Variants in CADPS observed in about 807,000 individuals in gnomAD.
CADPS encodes the protein calcium dependent secretion activator, also known as calcium-dependent secretion activator 1.
Under a neutral mutation model 167.3 loss-of-function variants are expected in CADPS, and 57 were observed. The ratio of observed to expected loss-of-function variants is 0.34; its 90% CI spans 0.28 to 0.42. The LOEUF is 0.42. CADPS is among the 20% of genes least tolerant of loss of function. The probability of loss-of-function intolerance (pLI) is 1.00; values close to 1 mark genes in which losing one functional copy is unlikely to be tolerated. For missense variants in CADPS, 1,414 were observed against 1,738.1 expected, an observed-to-expected ratio of 0.81 and a Z score of 3.32; for synonymous variants, 676 against 635.3, an observed-to-expected ratio of 1.06 and a Z score of -0.96.
chr3:62,578,398 C>T (rs2082716579), intron 8 of CADPS, among the ~76,000 whole-genome samples: 1 of 151,776 alleles, frequency 6.6e-6, no homozygotes. Flanking sequence ...ATCATGAGGT[C>T]AGGAGATCGA....
chr3:62,498,361 A>C (rs956271008), intron 18 of CADPS, among the ~76,000 whole-genome samples: 9 of 152,188 alleles, frequency 5.9e-5, no homozygotes, highest in African/African-American at 1.9e-4. Flanking sequence ...CCTTTGCTGT[A>C]AATCTGAATG....
rs958397013 is a variant in CADPS at position 62,438,624 on chromosome 3, T to C, written c.3670-413A>G. 2 of 163,306 alleles carry C rather than the reference T, an allele frequency of 1.2e-5. No homozygotes were observed. The highest frequency in any genetic ancestry group is 4.8e-5 in the African/African-American group (2 of 41,516). The allele number at this position is 163,306 out of a possible 1,614,324, so 10.1% of individuals were successfully genotyped here. A position where few individuals can be genotyped will look rare whatever the true frequency, so the allele number is the denominator to read the frequency against. On this transcript the variant is annotated intron_variant, in intron 27 of 29. Coordinates refer to ENST00000383710, the MANE Select transcript of CADPS (RefSeq NM_003716.4). This position sits in a 1 kb window ranked among gnomAD's most constrained non-coding sequence, Gnocchi z 4.7. ...ATATTATCAGACGGGTGATGGAACT[T>C]CCCATTCCTTTTTCCTCTTTTAAAA... is the stretch of plus-strand genomic sequence containing the variant.
intron 6 of CADPS, among the ~76,000 whole-genome samples, chr3:62,629,520 C>T (rs1361214388): frequency 7.9e-5 from 12 of 152,156 alleles, no homozygotes; most frequent in Non-Finnish European, 1.8e-4. Flanking sequence ...TCTGGGACGC[C>T]ATCACTCAAC....
chr3:62,689,352 A>T (rs546388868), intron 3 of CADPS, among the ~76,000 whole-genome samples: 1 of 152,206 alleles, frequency 6.6e-6, no homozygotes, highest in African/African-American at 2.4e-5. Context: ...GAACTTTAAA[A>T]TTGTAATGTA....
At position 62,662,163 on chromosome 3, in the gene CADPS, A is replaced by G. The variant is rs192543261; in HGVS notation, c.969+151T>C. On this transcript the variant is annotated intron_variant, in intron 4 of 29. Coordinates refer to ENST00000383710, the MANE Select transcript of CADPS (RefSeq NM_003716.4). ...TCTCTGGGAGAGCTTGCCTTGAGAA[A>G]GGAGGGCTGAGGGCCCAATGAGGGT... The G allele has an allele frequency of 1.0e-3, 700 of 677,598 alleles. 5 individuals carry two copies. In the African/African-American group the frequency reaches 0.011, roughly 11 times the overall value. The allele number at this position is 677,598 out of a possible 1,614,324, so 42.0% of individuals were successfully genotyped here. A position where few individuals can be genotyped will look rare whatever the true frequency, so the allele number is the denominator to read the frequency against.
chr3:62,402,945 G>T, intron 29 of CADPS, 136 bp downstream of exon 29: 1 of 515,484 alleles, frequency 1.9e-6, no homozygotes, highest in Non-Finnish European at 3.4e-6. Flanking sequence ...CAAAACAATT[G>T]CATAGGTTTT....
intron 13 of CADPS, among the ~76,000 whole-genome samples, chr3:62,523,728 C>T (rs2151833638): frequency 6.6e-6 from 1 of 152,270 alleles, no homozygotes; most frequent in African/African-American, 2.4e-5. Flanking sequence ...CACTGCTCCG[C>T]ATATAACCAG....
At chr3:62,460,033 T>G (rs2059144478) in intron 26 of CADPS, among the ~76,000 whole-genome samples, 1 of 152,228 alleles carries the variant, frequency 6.6e-6, no homozygotes, top group Non-Finnish European at 1.5e-5. Flanking sequence ...ACTAATTGAC[T>G]TCACCTACAG....
At chr3:62,692,773 A>C (rs1218388668) in intron 3 of CADPS, among the ~76,000 whole-genome samples, 1 of 152,098 alleles carries the variant, frequency 6.6e-6, no homozygotes, top group Non-Finnish European at 1.5e-5. Context: ...AAAGCAATGA[A>C]ATAGAAACTG....
intron 3 of CADPS, among the ~76,000 whole-genome samples, chr3:62,711,459 G>A (rs2083376318): frequency 6.6e-6 from 1 of 152,166 alleles, no homozygotes; most frequent in Non-Finnish European, 1.5e-5. Context: ...TGAATTCATG[G>A]ACCTCCTAAA....
At chr3:62,564,096 G>T (rs2079670326) in intron 9 of CADPS, among the ~76,000 whole-genome samples, 1 of 152,010 alleles carries the variant, frequency 6.6e-6, no homozygotes, top group Non-Finnish European at 1.5e-5. Flanking sequence ...CCACCTCCCA[G>T]GTTCATGCCA....
chr3:62,436,787 AAG>A (rs2055149172), intron 28 of CADPS, among the ~76,000 whole-genome samples: 1 of 152,138 alleles, frequency 6.6e-6, no homozygotes. Context: ...ATTAAAAAGT[AAG>A]AAGGGTTTTG....
intron 1 of CADPS, among the ~76,000 whole-genome samples, chr3:62,806,361 TAA>T (rs11328861): frequency 0.19 from 26,243 of 138,050 alleles, 2,478 homozygotes; most frequent in Middle Eastern, 0.31. Context: ...CGTCTTTAGT[TAA>T]AAAAAAAAAA....
At chr3:62,454,481 G>T (rs922314258) in intron 26 of CADPS, among the ~76,000 whole-genome samples, 3 of 151,882 alleles carry the variant, frequency 2.0e-5, no homozygotes, top group African/African-American at 7.3e-5. Flanking sequence ...AACCCTAATG[G>T]GTGGGCCTGA....
Position 62,678,036 on chromosome 3 carries a change from C to T in CADPS, c.889-15642G>A, listed in dbSNP as rs1385249344. ...GTATGCATATTTATGTTGCAAGCCT[C>T]CTTGTTCCAGGAGACAGCTGCAATA... On this transcript the variant is annotated intron_variant, in intron 3 of 29. Coordinates refer to ENST00000383710, the MANE Select transcript of CADPS (RefSeq NM_003716.4). 4.6e-5 allele frequency among the ~76,000 whole-genome samples: 7 copies of T among 152,170 alleles called. No individual in the cohort carries two copies. The East Asian group carries it at 1.2e-3, about 25-fold the overall frequency.
intron 28 of CADPS, among the ~76,000 whole-genome samples, chr3:62,429,413 A>T (rs1036016455): frequency 6.6e-6 from 1 of 152,242 alleles, no homozygotes; most frequent in African/African-American, 2.4e-5. Context: ...AAATTCACTC[A>T]TTAAAATAAT....
intron 6 of CADPS, among the ~76,000 whole-genome samples, chr3:62,608,401 A>G (rs1332414686): frequency 1.3e-5 from 2 of 151,730 alleles, no homozygotes; most frequent in African/African-American, 2.4e-5. Flanking sequence ...TCTCACCTCA[A>G]ACTCCTGAGT....
chr3:62,442,118 A>ATT (rs1216683633), intron 27 of CADPS, among the ~76,000 whole-genome samples: 2 of 143,454 alleles, frequency 1.4e-5, no homozygotes, highest in South Asian at 2.2e-4. Context: ...CAAACCAGAA[A>ATT]TTTTTTTTTT....
chr3:62,635,646 G>GT (rs67151220), intron 6 of CADPS, among the ~76,000 whole-genome samples: 16 of 144,426 alleles, frequency 1.1e-4, no homozygotes, highest in African/African-American at 4.1e-4. Flanking sequence ...GGCTTTCTCT[G>GT]TTTTTTTTTT....
Sources: allele counts gnomAD v4.1 joint callset (sites outside exome capture counted in the v4.1 genomes callset), GRCh38; gene constraint gnomAD v4.1.1; non-coding constraint Gnocchi (gnomAD v3.1); transcripts MANE v1.5; gene names NCBI Gene and HGNC (gene_info 2026-07-23, HGNC 2026-07-21).